The following PIK3C3 variants were observed in gnomAD, a reference collection of about 807,000 sequenced individuals.
PIK3C3 encodes phosphatidylinositol 3-kinase catalytic subunit type 3, also known as PI3-kinase type 3.
In PIK3C3, 95 loss-of-function variants were observed where a neutral mutation model predicts 126.1. The ratio of observed to expected loss-of-function variants is 0.75; its 90% CI spans 0.64 to 0.89. The LOEUF (loss-of-function observed/expected upper bound fraction) is 0.89. Among genes scored for constraint, PIK3C3 ranks in the 40% least tolerant of loss-of-function variants. The pLI, the probability that PIK3C3 is intolerant of heterozygous loss-of-function variation, is 0.00. For missense variants in PIK3C3, 829 were observed against 1,063.2 expected, an observed-to-expected ratio of 0.78 and a Z score of 3.06; for synonymous variants, 374 against 360.0, an observed-to-expected ratio of 1.04 and a Z score of -0.44.
At chr18:42,010,989 C>T (rs1316000614) in intron 10 of PIK3C3, among the ~76,000 whole-genome samples, 1 of 152,194 alleles carries the variant, frequency 6.6e-6, no homozygotes, top group Non-Finnish European at 1.5e-5. Flanking sequence ...CTTGGATGAT[C>T]AGGTACATTG....
At chr18:42,032,284 G>C (rs190120725) in intron 15 of PIK3C3, among the ~76,000 whole-genome samples, 23 of 152,294 alleles carry the variant, frequency 1.5e-4, no homozygotes, top group African/African-American at 5.3e-4. Context: ...ACAGTAATAG[G>C]AGATGAAGTT....
chr18:42,015,511 C>T lies in PIK3C3; in HGVS notation c.1361C>T (p.Ser454Phe), dbSNP rs2144407836. 6.2e-7 allele frequency: 1 copy of T among 1,613,726 alleles called. No individual in the cohort carries two copies. The highest frequency in any genetic ancestry group is 8.5e-7 in the Non-Finnish European group (1 of 1,179,832). The change falls in exon 12 of 25, where the codon TCT becomes TTT. Residue 454 changes from serine (S) to phenylalanine (F), a missense_variant. This residue lies in a region of PIK3C3 where 256 missense variants were observed against 291.0 expected (regional missense o/e 0.88). Coordinates refer to ENST00000262039, the MANE Select transcript of PIK3C3 (RefSeq NM_002647.4). ...ATAACCAGCCCCCTTCCTTCAGTCTCTTCACCTCCTCCTGCATCAAAAACA... is the reference window on the plus strand; with the variant it reads ...ATAACCAGCCCCCTTCCTTCAGTCTTTTCACCTCCTCCTGCATCAAAAACA... ...QIITSPLPSV[S>F]SPPPASKTKE...
intron 4 of PIK3C3, among the ~76,000 whole-genome samples, chr18:41,978,883 G>GTA (rs1434344230): frequency 4.6e-5 from 7 of 151,816 alleles, no homozygotes; most frequent in Non-Finnish European, 1.0e-4. Context: ...AGAAAAAATT[G>GTA]GGATTCTTTT....
chr18:41,957,035 G>GA (rs1350783575), intron 1 of PIK3C3, among the ~76,000 whole-genome samples: 1 of 151,868 alleles, frequency 6.6e-6, no homozygotes, highest in Non-Finnish European at 1.5e-5. Context: ...CATAGTAAAA[G>GA]AAAAAAATGG....
In PIK3C3 at chr18:42,085,268, C is replaced by T. The variant is rs1415677198; in HGVS notation, c.*4131C>T. On this transcript the variant is annotated 3_prime_UTR_variant, in exon 25 of 25. Coordinates refer to ENST00000262039, the MANE Select transcript of PIK3C3 (RefSeq NM_002647.4). ...TTTTATCTACCCTGAGGGTAGATAA[C>T]CCATATTCCAAAATACAGTATTATT... 1.3e-5 allele frequency: 2 copies of T among 152,174 alleles called. No individual in the cohort carries two copies. The highest frequency in any genetic ancestry group is 3.4e-3 in the Middle Eastern group (1 of 294). The allele number at this position is 152,174 out of a possible 1,614,324, so 9.4% of individuals were successfully genotyped here. A position where few individuals can be genotyped will look rare whatever the true frequency, so the allele number is the denominator to read the frequency against.
chr18:41,967,940 G>A (rs1020830124), intron 3 of PIK3C3, among the ~76,000 whole-genome samples: 1 of 152,188 alleles, frequency 6.6e-6, no homozygotes, highest in South Asian at 2.1e-4. Flanking sequence ...TCTCTCGCCT[G>A]TTTGGCTTAA....
At chr18:41,971,874 T>C (rs1980684976) in intron 4 of PIK3C3, among the ~76,000 whole-genome samples, 3 of 152,058 alleles carry the variant, frequency 2.0e-5, no homozygotes, top group South Asian at 4.1e-4. Context: ...TCAAGAAATA[T>C]AAAGCTTTAT....
intron 15 of PIK3C3, among the ~76,000 whole-genome samples, chr18:42,030,584 A>AT (rs1192840406): frequency 6.6e-6 from 1 of 152,226 alleles, no homozygotes; most frequent in Non-Finnish European, 1.5e-5. Flanking sequence ...AGAAGAAGTA[A>AT]TGAGTAACGT....
chr18:42,033,751 T>G, intron 15 of PIK3C3, 75 bp from the exon 16 acceptor site: 1 of 1,137,412 alleles, frequency 8.8e-7, no homozygotes, highest in South Asian at 1.5e-5. Context: ...TGGAATCAAT[T>G]TTTATGTCTT....
At chr18:41,973,742 G>A (rs1387711003) in intron 4 of PIK3C3, among the ~76,000 whole-genome samples, 4 of 151,966 alleles carry the variant, frequency 2.6e-5, no homozygotes, top group Non-Finnish European at 5.9e-5. Context: ...TTTTAAACAT[G>A]GGAAAGTATT....
chr18:42,024,711 A>C (rs572325520), intron 13 of PIK3C3, among the ~76,000 whole-genome samples: 1 of 152,280 alleles, frequency 6.6e-6, no homozygotes, highest in Non-Finnish European at 1.5e-5. Context: ...TTGGGATTGC[A>C]GGTGTGAACC....
chr18:42,027,377 T>C (rs1245077233), intron 13 of PIK3C3, 66 bp from the exon 14 acceptor site: 4 of 804,774 alleles, frequency 5.0e-6, no homozygotes, highest in Non-Finnish European at 8.2e-6. Flanking sequence ...TGAAATGATA[T>C]GAGTATTTAC....
rs1986238194 is a variant in PIK3C3 at position 42,081,218 on chromosome 18, A to T, written c.*81A>T. On this transcript the variant is annotated 3_prime_UTR_variant, in exon 25 of 25. Coordinates refer to ENST00000262039, the MANE Select transcript of PIK3C3 (RefSeq NM_002647.4). The stretch of plus-strand genomic sequence containing the variant: ...AACCTTTGTATATTGGAGACTTCAG[A>T]GTAACCAGCAAGGAAGAGAAATCTT... The T allele has an allele frequency of 6.0e-6, 5 of 834,460 alleles. No homozygotes were observed. Among genetic ancestry groups the T allele is most frequent in the Non-Finnish European group, 9.7e-6 (5 of 516,498 alleles). 51.7% of individuals were successfully genotyped at this position (834,460 alleles called of 1,614,324 possible).
intron 3 of PIK3C3, 102 bp downstream of exon 3, chr18:41,962,734 G>T (rs898369765): frequency 2.6e-5 from 27 of 1,032,790 alleles, no homozygotes; most frequent in African/African-American, 1.6e-4. Context: ...TCAGTCTCCA[G>T]TGTAAACCAG....
At chr18:42,002,220 A>G (rs913310436) in intron 9 of PIK3C3, among the ~76,000 whole-genome samples, 55 of 152,182 alleles carry the variant, frequency 3.6e-4, no homozygotes, top group African/African-American at 1.2e-3. Flanking sequence ...GATGAAGAGT[A>G]TATGGGAGGA....
chr18:41,987,940 ATT>A (rs761313982), intron 5 of PIK3C3, 42 bp downstream of exon 5: 1 of 1,202,170 alleles, frequency 8.3e-7, no homozygotes, highest in Non-Finnish European at 1.2e-6. Flanking sequence ...TTTTCTGTAA[ATT>A]TTTAAATTAA....
At chr18:41,972,115 A>T (rs957814780) in intron 4 of PIK3C3, among the ~76,000 whole-genome samples, 1 of 152,074 alleles carries the variant, frequency 6.6e-6, no homozygotes, top group African/African-American at 2.4e-5. Flanking sequence ...CGTTAATAGT[A>T]TATCTTTTTC....
At chr18:42,052,467 G>A (rs1447556661) in intron 21 of PIK3C3, among the ~76,000 whole-genome samples, 1 of 152,058 alleles carries the variant, frequency 6.6e-6, no homozygotes, top group Non-Finnish European at 1.5e-5. Context: ...GTTACATTAT[G>A]CAGTTAGCAT....
chr18:42,054,534 A>G (rs1353113018), intron 21 of PIK3C3, among the ~76,000 whole-genome samples: 1 of 152,068 alleles, frequency 6.6e-6, no homozygotes, highest in East Asian at 1.9e-4. Context: ...AATACTTTGT[A>G]TCCTTCAATC....
Sources: gnomAD v4.1 joint callset for allele counts (sites outside exome capture counted in the v4.1 genomes callset) on GRCh38, gnomAD v4.1.1 for gene constraint, gnomAD v4.1.1 regional missense constraint, MANE v1.5 for transcripts, NCBI Gene and HGNC (gene_info 2026-07-23, HGNC 2026-07-21) for gene names.